The following BEND7 variants were observed in gnomAD, a reference collection of about 807,000 sequenced individuals.
The protein encoded by BEND7 is BEN domain-containing protein 7.
Under a neutral mutation model 50.9 loss-of-function variants are expected in BEND7, and 28 were observed. The observed-to-expected ratio is 0.55, with a 90% CI of 0.41 to 0.75. The LOEUF (loss-of-function observed/expected upper bound fraction) is 0.75, where lower values mean the gene tolerates loss of function less well. BEND7 is among the 30% of genes least tolerant of loss of function. The pLI, the probability that BEND7 is intolerant of heterozygous loss-of-function variation, is 0.00. For missense variants in BEND7, 477 were observed against 491.3 expected (o/e 0.97, Z 0.28); for synonymous variants, 170 against 183.9 (o/e 0.92, Z 0.61).
chr10:13,499,739 C>T (rs2077303117), intron 3 of BEND7, 39 bp downstream of exon 3: 3 of 1,559,310 alleles, frequency 1.9e-6, no homozygotes, highest in Non-Finnish European at 2.6e-6. Flanking sequence ...CAGTACAAAC[C>T]CCCATGAGAG....
In BEND7 at chr10:13,452,497, C is replaced by T. The variant is rs758178495; in HGVS notation, c.1183+42G>A. 3.2e-6 allele frequency: 5 copies of T among 1,569,046 alleles called. No homozygotes were observed. In the Admixed American group the frequency reaches 7.8e-5, roughly 24 times the overall value. On this transcript the variant is annotated intron_variant, in intron 7 of 8. Transcript: ENST00000466271. ...TTGTACTTTATAAAGTCTAAGAATT[C>T]ATAAGTGCTTCTCCAATTATTTTTC...
At chr10:13,451,256 G>A (rs935072966) in intron 7 of BEND7, among the ~76,000 whole-genome samples, 4 of 150,784 alleles carry the variant, frequency 2.7e-5, no homozygotes, top group Non-Finnish European at 2.9e-5. Context: ...GTGGCCAGTC[G>A]TCGCTCACTG....
At chr10:13,467,453 TG>T (rs1178183606) in intron 6 of BEND7, among the ~76,000 whole-genome samples, 1 of 152,248 alleles carries the variant, frequency 6.6e-6, no homozygotes, top group Admixed American at 6.5e-5. Context: ...AAAGAAAGCA[TG>T]ACATACTACA....
chr10:13,502,229 T>C (rs568491333), intron 2 of BEND7, among the ~76,000 whole-genome samples: 2 of 152,346 alleles, frequency 1.3e-5, no homozygotes, highest in East Asian at 3.9e-4. Context: ...ATTTTGAATT[T>C]ACTGTTCACT....
chr10:13,501,195 A>G (rs1335608263), intron 2 of BEND7, among the ~76,000 whole-genome samples: 2 of 151,818 alleles, frequency 1.3e-5, no homozygotes, highest in Non-Finnish European at 2.9e-5. Context: ...ACCAACATGG[A>G]GAAACCCTGT....
At chr10:13,457,181 G>A (rs1839166498) in intron 6 of BEND7, among the ~76,000 whole-genome samples, 1 of 152,178 alleles carries the variant, frequency 6.6e-6, no homozygotes, top group Non-Finnish European at 1.5e-5. Context: ...ACATTAGAAA[G>A]TCATGGCTCC....
chr10:13,509,918 T>C (rs1477248449), intron 2 of BEND7, among the ~76,000 whole-genome samples: 1 of 152,224 alleles, frequency 6.6e-6, no homozygotes, highest in Non-Finnish European at 1.5e-5. Context: ...TCAAAGATTT[T>C]TGTCTACTTA....
chr10:13,520,633 T>C (rs140449165), intron 2 of BEND7, among the ~76,000 whole-genome samples: 269 of 152,246 alleles, frequency 1.8e-3, no homozygotes, highest in African/African-American at 6.2e-3. Context: ...CAGAAGTGGA[T>C]GTCAGGAGAC....
intron 6 of BEND7, among the ~76,000 whole-genome samples, chr10:13,469,830 T>G (rs2074632317): frequency 6.6e-6 from 1 of 152,148 alleles, no homozygotes; most frequent in Non-Finnish European, 1.5e-5. Flanking sequence ...ACACTTTTAG[T>G]TTTTTTGTGA....
At chr10:13,529,090 A>T (rs2079580417), upstream of BEND7, 1 of 143,114 alleles carries the variant, frequency 7.0e-6, no homozygotes, top group African/African-American at 2.5e-5. Flanking sequence ...TGCCGCTGGG[A>T]CCCCAGGGCC....
intron 8 of BEND7, chr10:13,444,644 G>A (rs946079911): frequency 4.6e-5 from 7 of 152,216 alleles, no homozygotes; most frequent in African/African-American, 1.7e-4. Context: ...GAGAAAGGTG[G>A]AGTCCTTAAA....
chr10:13,465,329 T>A lies in BEND7; in HGVS notation c.1064-12671A>T, dbSNP rs141259570. 4.8e-4 allele frequency among the ~76,000 whole-genome samples: 73 copies of A among 152,272 alleles called. 3 individuals are homozygous for A. The South Asian group carries it at 9.3e-3, about 19-fold the overall frequency. On this transcript the variant is annotated intron_variant, in intron 6 of 8. Transcript: ENST00000466271. ...AAATGATGCCTTTAAATTAAGGAAA[T>A]AAAGTATTGCAGACAAGGTATTTAC...
intron 6 of BEND7, among the ~76,000 whole-genome samples, chr10:13,465,222 G>A (rs1033924122): frequency 2.0e-5 from 3 of 152,178 alleles, no homozygotes; most frequent in Admixed American, 1.3e-4. Flanking sequence ...ATAGCCAGAG[G>A]TCTCATACTG....
intron 6 of BEND7, among the ~76,000 whole-genome samples, chr10:13,457,381 T>C (rs1156854710): frequency 6.6e-6 from 1 of 152,236 alleles, no homozygotes; most frequent in Non-Finnish European, 1.5e-5. Flanking sequence ...CAGCCGTGTC[T>C]GGTTATTTTT....
chr10:13,479,300 C>T (rs1017147353), intron 6 of BEND7, among the ~76,000 whole-genome samples: 8 of 152,178 alleles, frequency 5.3e-5, no homozygotes, highest in East Asian at 3.9e-4. Flanking sequence ...TGAGCCACCG[C>T]GCCTGGCCTG....
At chr10:13,473,727 C>T (rs1487766250) in intron 6 of BEND7, among the ~76,000 whole-genome samples, 2 of 151,832 alleles carry the variant, frequency 1.3e-5, no homozygotes, top group Middle Eastern at 3.4e-3. Context: ...GGTCGATACC[C>T]ATCATCACTA....
rs142338096 is a variant in BEND7 at position 13,467,884 on chromosome 10, T to G, written c.1063+13015A>C. ...TCCCTCTTTCCTTCCTTCCTGTATT[T>G]ATGGATCATTAGTTATGTGAGTGGT... On this transcript the variant is annotated intron_variant, in intron 6 of 8. Transcript: ENST00000466271. 5.9e-5 allele frequency among the ~76,000 whole-genome samples: 9 copies of G among 152,334 alleles called. No homozygotes were observed. In the East Asian group the frequency reaches 1.7e-3, roughly 29 times the overall value.
intron 5 of BEND7, among the ~76,000 whole-genome samples, chr10:13,489,027 G>A (rs1481062970): frequency 6.6e-6 from 1 of 152,172 alleles, no homozygotes; most frequent in Admixed American, 6.5e-5. Flanking sequence ...AGGTAAGAAT[G>A]CTAAGGTTAA....
chr10:13,474,499 C>T (rs2075262295), intron 6 of BEND7, among the ~76,000 whole-genome samples: 1 of 151,910 alleles, frequency 6.6e-6, no homozygotes, highest in Non-Finnish European at 1.5e-5. Flanking sequence ...GGGCCGATAC[C>T]CGTCACCGCT....
Sources: allele counts gnomAD v4.1 joint callset (sites outside exome capture counted in the v4.1 genomes callset), GRCh38; gene constraint gnomAD v4.1.1; transcripts MANE v1.5; gene names NCBI Gene and HGNC (gene_info 2026-07-23, HGNC 2026-07-21).